The following PDZRN4 variants were observed in gnomAD, a reference collection of about 807,000 sequenced individuals.
PDZRN4 encodes PDZ domain-containing RING finger protein 4.
A neutral mutation model predicts 99.0 loss-of-function variants in PDZRN4; 70 were observed. The observed-to-expected ratio is 0.71, with a 90% CI of 0.58 to 0.86. The LOEUF (loss-of-function observed/expected upper bound fraction) is 0.86. Among genes scored for constraint, PDZRN4 ranks in the 40% least tolerant of loss-of-function variants. The pLI, the probability that PDZRN4 is intolerant of heterozygous loss-of-function variation, is 0.00. For synonymous variants in PDZRN4, 551 were observed against 501.6 expected (o/e 1.10, Z -1.32); for missense variants, 1,474 against 1,331.2 (o/e 1.11, Z -1.67).
At chr12:41,367,694 T>C (rs1001076421) in intron 3 of PDZRN4, among the ~76,000 whole-genome samples, 6 of 152,098 alleles carry the variant, frequency 3.9e-5, no homozygotes, top group African/African-American at 1.2e-4. Context: ...GTGTGTTCCA[T>C]TTGGATTATA....
chr12:41,377,435 C>A (rs545974902), intron 3 of PDZRN4, among the ~76,000 whole-genome samples: 1 of 152,106 alleles, frequency 6.6e-6, no homozygotes, highest in African/African-American at 2.4e-5. Context: ...GAGGCCAAGG[C>A]GGGCGGATCA....
chr12:41,221,830 C>G lies in PDZRN4; in HGVS notation c.843+27642C>G, dbSNP rs532125823. 2.0e-5 allele frequency among the ~76,000 whole-genome samples: 3 copies of G among 152,022 alleles called. No individual in the cohort carries two copies. The East Asian group carries it at 5.8e-4, about 30-fold the overall frequency. On this transcript the variant is annotated intron_variant, in intron 3 of 9. Transcript: ENST00000402685. ...GACAAGAAAGGAGAGAAAACTGGGC[C>G]CCTAACTTTCCTGGCACAACTGACA...
intron 3 of PDZRN4, among the ~76,000 whole-genome samples, chr12:41,484,231 T>C (rs1018907077): frequency 6.6e-6 from 1 of 152,212 alleles, no homozygotes; most frequent in Admixed American, 6.5e-5. Context: ...TTGTAAATAC[T>C]CAAATAATCA....
intron 3 of PDZRN4, among the ~76,000 whole-genome samples, chr12:41,366,617 C>T (rs1005185481): frequency 1.3e-5 from 2 of 151,942 alleles, no homozygotes; most frequent in Non-Finnish European, 2.9e-5. Context: ...TTTGGGGTAA[C>T]CTGTTTCTTT....
intron 3 of PDZRN4, among the ~76,000 whole-genome samples, chr12:41,402,946 T>C (rs1353819812): frequency 6.6e-6 from 1 of 151,942 alleles, no homozygotes; most frequent in Non-Finnish European, 1.5e-5. Flanking sequence ...ATTTAGGGAA[T>C]TGATATATTT....
chr12:41,407,764 A>T (rs1465804397), intron 3 of PDZRN4, among the ~76,000 whole-genome samples: 1 of 152,150 alleles, frequency 6.6e-6, no homozygotes, highest in Non-Finnish European at 1.5e-5. Context: ...GACTGTTAAG[A>T]AGTAAGGTTC....
chr12:41,549,817 GA>G (rs1174431772), intron 5 of PDZRN4, among the ~76,000 whole-genome samples: 2 of 152,128 alleles, frequency 1.3e-5, no homozygotes, highest in South Asian at 2.1e-4. Flanking sequence ...TTTGTTAGGG[GA>G]CAAGCAAAAT....
intron 5 of PDZRN4, among the ~76,000 whole-genome samples, chr12:41,527,762 A>G (rs1402827674): frequency 2.0e-5 from 3 of 152,300 alleles, no homozygotes; most frequent in Middle Eastern, 3.4e-3. Flanking sequence ...GTCAAAATTG[A>G]TAAGTGAGAC....
chr12:41,401,846 CA>C (rs1367738086), intron 3 of PDZRN4, among the ~76,000 whole-genome samples: 1 of 151,768 alleles, frequency 6.6e-6, no homozygotes, highest in Middle Eastern at 3.4e-3. Flanking sequence ...CAGACCGTGC[CA>C]AAACAGCCAA....
In PDZRN4 at chr12:41,229,035, C is replaced by T. The variant is rs138964479; in HGVS notation, c.843+34847C>T. 1.2e-3 allele frequency among the ~76,000 whole-genome samples: 176 copies of T among 151,838 alleles called. 1 individual carries two copies. The highest frequency in any genetic ancestry group is 4.0e-3 in the African/African-American group (166 of 41,498). ...TATAAATTCTCTCCCTGAAGTAAACCTATGACCTCAATCAAATTCTGCATG... is the reference window on the plus strand; with the variant it reads ...TATAAATTCTCTCCCTGAAGTAAACTTATGACCTCAATCAAATTCTGCATG... On this transcript the variant is annotated intron_variant, in intron 3 of 9. Transcript: ENST00000402685.
chr12:41,373,764 G>A (rs1212635662), intron 3 of PDZRN4, among the ~76,000 whole-genome samples: 1 of 152,176 alleles, frequency 6.6e-6, no homozygotes, highest in African/African-American at 2.4e-5. Flanking sequence ...AAAGACTGGT[G>A]TAGGAAATCA....
At chr12:41,210,829 C>A (rs569966464) in intron 3 of PDZRN4, among the ~76,000 whole-genome samples, 1 of 151,646 alleles carries the variant, frequency 6.6e-6, no homozygotes, top group Non-Finnish European at 1.5e-5. Context: ...CCCAGAATTG[C>A]AGACACCATA....
chr12:41,515,890 T>C (rs1938392297), intron 5 of PDZRN4, among the ~76,000 whole-genome samples: 1 of 151,926 alleles, frequency 6.6e-6, no homozygotes, highest in Admixed American at 6.6e-5. Context: ...GTTCCTTGAA[T>C]TAATTCTGAA....
At chr12:41,268,634 A>G (rs1951295194) in intron 3 of PDZRN4, among the ~76,000 whole-genome samples, 2 of 152,226 alleles carry the variant, frequency 1.3e-5, no homozygotes, top group Non-Finnish European at 2.9e-5. Context: ...ATAATTTTAG[A>G]AACTTAAAGA....
intron 3 of PDZRN4, among the ~76,000 whole-genome samples, chr12:41,213,345 G>A (rs1950899977): frequency 6.6e-6 from 1 of 152,002 alleles, no homozygotes. Context: ...TGGCAGTAGA[G>A]AGAAAACCCA....
chr12:41,295,732 T>C (rs1256009544), intron 3 of PDZRN4, among the ~76,000 whole-genome samples: 1 of 152,074 alleles, frequency 6.6e-6, no homozygotes, highest in Non-Finnish European at 1.5e-5. Context: ...GGGTAAGACA[T>C]CAGTTTCAAA....
intron 3 of PDZRN4, among the ~76,000 whole-genome samples, chr12:41,231,326 C>T (rs1951028673): frequency 6.6e-6 from 1 of 152,038 alleles, no homozygotes; most frequent in Non-Finnish European, 1.5e-5. Flanking sequence ...GTGCCATCAG[C>T]ATTAAAAACT....
intron 3 of PDZRN4, among the ~76,000 whole-genome samples, chr12:41,302,359 A>G (rs943436177): frequency 6.6e-6 from 1 of 152,158 alleles, no homozygotes; most frequent in Non-Finnish European, 1.5e-5. Flanking sequence ...TAATATTGAT[A>G]TTGTAGCTTC....
chr12:41,287,108 G>A (rs926231000), intron 3 of PDZRN4, among the ~76,000 whole-genome samples: 12 of 152,098 alleles, frequency 7.9e-5, no homozygotes, highest in African/African-American at 2.7e-4. Context: ...TTGTCTCCAA[G>A]CATTATTTAA....
Sources: gnomAD v4.1 joint callset for allele counts (sites outside exome capture counted in the v4.1 genomes callset) on GRCh38, gnomAD v4.1.1 for gene constraint, MANE v1.5 for transcripts, NCBI Gene and HGNC (gene_info 2026-07-23, HGNC 2026-07-21) for gene names.